Variants in VSTM4 observed in about 807,000 individuals in gnomAD.
VSTM4 encodes the protein V-set and transmembrane domain containing 4.
Under a neutral mutation model 36.4 loss-of-function variants are expected in VSTM4, and 20 were observed. That is an observed-to-expected ratio of 0.55 (90% CI 0.39 to 0.80). VSTM4 has a LOEUF of 0.80. Ranked by LOEUF, VSTM4 falls within the 30% of genes least tolerant of loss-of-function variation. The pLI, the probability that VSTM4 is intolerant of heterozygous loss-of-function variation, is 0.00. For synonymous variants in VSTM4, 182 were observed against 173.9 expected (o/e 1.05, Z -0.37); for missense variants, 392 against 404.5 (o/e 0.97, Z 0.26).
intron 7 of VSTM4, among the ~76,000 whole-genome samples, chr10:49,030,192 C>T (rs1313185516): frequency 2.6e-5 from 4 of 152,214 alleles, no homozygotes; most frequent in Non-Finnish European, 5.9e-5. Flanking sequence ...GAGCCACCAC[C>T]AGGTCTACTC....
chr10:49,092,664 G>T (rs894321575), intron 2 of VSTM4, among the ~76,000 whole-genome samples: 30 of 152,256 alleles, frequency 2.0e-4, no homozygotes, highest in African/African-American at 7.2e-4. Context: ...CCTAGGTGAG[G>T]ACAGGCATTT....
intron 7 of VSTM4, among the ~76,000 whole-genome samples, chr10:49,037,839 A>C (rs1414752265): frequency 6.6e-6 from 1 of 152,210 alleles, no homozygotes; most frequent in African/African-American, 2.4e-5. Context: ...CAAATGGCTG[A>C]CAAGAACATA....
At chr10:49,052,825 G>T (rs1843719016) in intron 5 of VSTM4, among the ~76,000 whole-genome samples, 1 of 152,064 alleles carries the variant, frequency 6.6e-6, no homozygotes. Context: ...ATTTCCTTAA[G>T]GTGGAGAACA....
chr10:49,032,310 G>A (rs561826382), intron 7 of VSTM4, among the ~76,000 whole-genome samples: 9 of 150,936 alleles, frequency 6.0e-5, no homozygotes, highest in Non-Finnish European at 8.9e-5. Flanking sequence ...GTGTAGAGCC[G>A]GCCTCTGACC....
intron 3 of VSTM4, among the ~76,000 whole-genome samples, chr10:49,082,085 C>CAGGAAGGT (rs1216797538): frequency 2.6e-5 from 4 of 152,208 alleles, no homozygotes; most frequent in African/African-American, 9.7e-5. Context: ...CAAATTCCTA[C>CAGGAAGGT]GACTGCAGAG....
chr10:49,046,043 C>G (rs1843606037), intron 7 of VSTM4, among the ~76,000 whole-genome samples: 1 of 152,110 alleles, frequency 6.6e-6, no homozygotes, highest in African/African-American at 2.4e-5. Context: ...TCACACACAC[C>G]CTCTCTCGCC....
intron 7 of VSTM4, among the ~76,000 whole-genome samples, chr10:49,024,357 A>AG (rs1405804493): frequency 3.9e-5 from 6 of 152,196 alleles, no homozygotes; most frequent in African/African-American, 1.2e-4. Context: ...TCTATGAGCA[A>AG]GGGGGGATGG....
intron 2 of VSTM4, chr10:49,102,504 A>G (rs769001998): frequency 2.7e-5 from 27 of 985,488 alleles, no homozygotes; most frequent in Non-Finnish European, 3.0e-5. Context: ...CGGCATGACC[A>G]CATAATGTTG....
At chr10:49,073,748 G>C (rs1844124205) in intron 4 of VSTM4, among the ~76,000 whole-genome samples, 1 of 152,204 alleles carries the variant, frequency 6.6e-6, no homozygotes, top group Admixed American at 6.5e-5. Context: ...CTTGACATCT[G>C]TGATATATAG....
In VSTM4 at chr10:49,056,332, C is replaced by T. The variant is rs571070424; in HGVS notation, c.669-7748G>A. On this transcript the variant is annotated intron_variant, in intron 5 of 7. Coordinates refer to ENST00000332853, the MANE Select transcript of VSTM4 (RefSeq NM_001031746.5). The stretch of plus-strand genomic sequence containing the variant: ...CACTAGCTGGTGAGATCAGGAGATA[C>T]TTTAGTGGTGCTCCACAGGGTCGCA... 3.3e-5 allele frequency among the ~76,000 whole-genome samples: 5 copies of T among 152,266 alleles called. 1 individual carries two copies. The South Asian group carries it at 8.3e-4, about 25-fold the overall frequency.
intron 4 of VSTM4, among the ~76,000 whole-genome samples, chr10:49,065,204 C>T (rs149864486): frequency 1.3e-3 from 191 of 152,362 alleles, no homozygotes; most frequent in African/African-American, 4.4e-3. Context: ...TGGACCAAAA[C>T]CTCCTCCTAC....
chr10:49,038,209 G>A (rs537305878), intron 7 of VSTM4, among the ~76,000 whole-genome samples: 31 of 152,294 alleles, frequency 2.0e-4, no homozygotes, highest in African/African-American at 2.6e-4. Context: ...AAGCAACTCC[G>A]TTGTCCAGCA....
At chr10:49,113,790 A>G (rs1206417076) in intron 1 of VSTM4, among the ~76,000 whole-genome samples, 1 of 152,120 alleles carries the variant, frequency 6.6e-6, no homozygotes. Flanking sequence ...TCCCAGCAGG[A>G]TCGTGGTGAG....
At chr10:49,077,096 A>C in intron 4 of VSTM4, 123 bp downstream of exon 4, 1 of 944,772 alleles carries the variant, frequency 1.1e-6, no homozygotes, top group Non-Finnish European at 1.6e-6. Context: ...CCACAGTCAC[A>C]GGTAAATAAT....
Position 49,115,459 on chromosome 10 carries a change from G to A in VSTM4, c.27C>T (p.Ala9=). Residue 9 remains alanine (A), a synonymous_variant, in exon 1 of 8, where the codon GCC becomes GCT. Transcript: ENST00000332853. ...GAGCCGGAGCCCGCGCCAGCAGCGC[G>A]GCCGCCGCCAGTGCCAGCAGCCGCA... MRLLALAA[A]ALLARAPAPE... 2 of 1,037,528 alleles carry A rather than the reference G, an allele frequency of 1.9e-6. No individual in the cohort carries two copies. Among genetic ancestry groups the A allele is most frequent in the Non-Finnish European group, 2.3e-6 (2 of 859,218 alleles). 64.3% of individuals were successfully genotyped at this position (1,037,528 alleles called of 1,614,324 possible). A position where few individuals can be genotyped will look rare whatever the true frequency, so the allele number is the denominator to read the frequency against.
intron 3 of VSTM4, among the ~76,000 whole-genome samples, chr10:49,084,089 C>T (rs1021808276): frequency 2.6e-5 from 4 of 152,196 alleles, no homozygotes; most frequent in African/African-American, 9.7e-5. Flanking sequence ...ATGGGGCAAA[C>T]ATCAATGGGG....
chr10:49,093,808 C>T (rs1341067761), intron 2 of VSTM4, among the ~76,000 whole-genome samples: 2 of 134,658 alleles, frequency 1.5e-5, no homozygotes, highest in Non-Finnish European at 3.0e-5. Flanking sequence ...AGTGCAGTGG[C>T]AAGATCTAGG....
chr10:49,105,841 G>GTA (rs34327380), intron 2 of VSTM4, among the ~76,000 whole-genome samples: 25,841 of 149,288 alleles, frequency 0.17, 2,327 homozygotes, highest in African/African-American at 0.2. Flanking sequence ...ATGTGTGTGT[G>GTA]TATATATATA....
intron 1 of VSTM4, among the ~76,000 whole-genome samples, chr10:49,114,043 A>T (rs1055927118): frequency 6.6e-6 from 1 of 152,270 alleles, no homozygotes; most frequent in East Asian, 1.9e-4. Flanking sequence ...GTGGTCATGG[A>T]GCCTGGGAGA....
Sources: allele counts gnomAD v4.1 joint callset (sites outside exome capture counted in the v4.1 genomes callset), GRCh38; gene constraint gnomAD v4.1.1; transcripts MANE v1.5; gene names NCBI Gene and HGNC (gene_info 2026-07-23, HGNC 2026-07-21).